The following DCHS2 variants were observed in gnomAD, a reference collection of about 807,000 sequenced individuals.
DCHS2 encodes protocadherin-23.
Under a neutral mutation model 182.4 loss-of-function variants are expected in DCHS2, and 142 were observed. The ratio of observed to expected loss-of-function variants is 0.78; its 90% CI spans 0.68 to 0.89. The LOEUF (loss-of-function observed/expected upper bound fraction) is 0.89, where lower values mean the gene tolerates loss of function less well. DCHS2 is among the 40% of genes least tolerant of loss of function. The pLI is 0.00. For synonymous variants in DCHS2, 1,740 were observed against 1,663.3 expected (o/e 1.05, Z -1.12); for missense variants, 4,319 against 4,198.6 (o/e 1.03, Z -0.79).
intron 1 of DCHS2, among the ~76,000 whole-genome samples, chr4:154,464,260 GA>G (rs1735145649): frequency 1.3e-5 from 2 of 152,130 alleles, no homozygotes; most frequent in Non-Finnish European, 2.9e-5. Flanking sequence ...GTATTTGCAG[GA>G]AAAAAACTTT....
chr4:154,396,754 A>G (rs901845363), intron 1 of DCHS2, among the ~76,000 whole-genome samples: 1 of 152,136 alleles, frequency 6.6e-6, no homozygotes, highest in African/African-American at 2.4e-5. Context: ...CTACTTCAGT[A>G]TAACAAAATG....
At chr4:154,472,911 T>C (rs1369142075) in intron 1 of DCHS2, among the ~76,000 whole-genome samples, 1 of 152,116 alleles carries the variant, frequency 6.6e-6, no homozygotes, top group Non-Finnish European at 1.5e-5. Context: ...TGAAAATCAT[T>C]CAACAGAAAT....
intron 1 of DCHS2, among the ~76,000 whole-genome samples, chr4:154,459,161 T>C (rs1019878068): frequency 6.6e-6 from 1 of 152,148 alleles, no homozygotes; most frequent in African/African-American, 2.4e-5. Context: ...GCAGCTCCCA[T>C]AGAACATTTC....
At chr4:154,483,727 C>A (rs1736008746) in intron 1 of DCHS2, among the ~76,000 whole-genome samples, 3 of 152,150 alleles carry the variant, frequency 2.0e-5, no homozygotes, top group Non-Finnish European at 2.9e-5. Flanking sequence ...AGATGCCAAC[C>A]ATCTCTCTGG....
At chr4:154,244,695 G>A (rs1258825769) in intron 16 of DCHS2, among the ~76,000 whole-genome samples, 1 of 151,994 alleles carries the variant, frequency 6.6e-6, no homozygotes, top group Non-Finnish European at 1.5e-5. Context: ...AATCATCAGG[G>A]CTTATCTACT....
chr4:154,461,498 C>T (rs187281484), intron 1 of DCHS2, among the ~76,000 whole-genome samples: 6 of 151,980 alleles, frequency 3.9e-5, no homozygotes, highest in Admixed American at 3.9e-4. Context: ...TTTTTCTATC[C>T]TGCTAAGTCT....
At chr4:154,250,077 T>C (rs1202188023) in intron 16 of DCHS2, among the ~76,000 whole-genome samples, 1 of 152,190 alleles carries the variant, frequency 6.6e-6, no homozygotes, top group Non-Finnish European at 1.5e-5. Flanking sequence ...ATGCAAATAC[T>C]ATGCCATTTT....
At chr4:154,306,838 A>G (rs1183428956) in intron 10 of DCHS2, among the ~76,000 whole-genome samples, 1 of 152,146 alleles carries the variant, frequency 6.6e-6, no homozygotes, top group Non-Finnish European at 1.5e-5. Flanking sequence ...AATGTCTTCA[A>G]TTGTTTACAC....
chr4:154,430,195 TGAGTCTAAAA>T (rs1421322793), intron 1 of DCHS2, among the ~76,000 whole-genome samples: 4 of 152,212 alleles, frequency 2.6e-5, no homozygotes, highest in African/African-American at 7.2e-5. Flanking sequence ...GACACAAATG[TGAGTCTAAAA>T]CCTGTTGTCA....
Position 154,233,085 on chromosome 4 carries a change from A to G in DCHS2, c.*1451T>C, listed in dbSNP as rs1299466694. 6.6e-6 allele frequency: 1 copy of G among 152,218 alleles called. No homozygotes were observed. The highest frequency in any genetic ancestry group is 1.9e-4 in the East Asian group (1 of 5,192). 9.4% of individuals were successfully genotyped at this position (152,218 alleles called of 1,614,324 possible). ...TGAGGCCTATGGAAGAAGAACACAA[A>G]GGAACTATATCTGTAGTAGAAGCCC... On this transcript the variant is annotated 3_prime_UTR_variant, in exon 20 of 20. Transcript: ENST00000357232.
At position 154,234,828 on chromosome 4, in the gene DCHS2, AC is replaced by A. The variant is rs567631621; in HGVS notation, c.9823del (p.Val3275PhefsTer6). The stretch of plus-strand genomic sequence containing the variant: ...TGCTGTTATCAAAGGGGGTGGAAAA[AC>A]AAAAGATTTCTTCTCTTTTGGAATG... ...PGIPKEKKSF[V>X]FPPPLITAVA... On this transcript the variant is annotated frameshift_variant, in exon 20 of 20. Transcript: ENST00000357232. LOFTEE classifies it low-confidence loss of function (END_TRUNC). 492 of 1,614,016 alleles carry A rather than the reference AC, an allele frequency of 3.0e-4. 6 individuals are homozygous for A. The South Asian group carries it at 5.2e-3, about 17-fold the overall frequency.
chr4:154,340,496 T>A (rs909129224), intron 3 of DCHS2, among the ~76,000 whole-genome samples: 2 of 152,198 alleles, frequency 1.3e-5, no homozygotes, highest in Non-Finnish European at 2.9e-5. Flanking sequence ...GGTGTCTAAT[T>A]ATAGCCCCTC....
chr4:154,462,380 A>T (rs1329928630), intron 1 of DCHS2, among the ~76,000 whole-genome samples: 1 of 152,212 alleles, frequency 6.6e-6, no homozygotes, highest in African/African-American at 2.4e-5. Context: ...GTTTTACAAC[A>T]TACGAAAGCT....
intron 1 of DCHS2, among the ~76,000 whole-genome samples, chr4:154,416,899 A>G (rs1386379792): frequency 6.6e-6 from 1 of 152,014 alleles, no homozygotes; most frequent in Non-Finnish European, 1.5e-5. Flanking sequence ...AGATGTTTTT[A>G]CACTCCGAGG....
At chr4:154,420,550 A>G (rs570665009) in intron 1 of DCHS2, among the ~76,000 whole-genome samples, 1 of 152,286 alleles carries the variant, frequency 6.6e-6, no homozygotes, top group East Asian at 1.9e-4. Context: ...CCCAGAGTCT[A>G]AAGACTGGAA....
intron 3 of DCHS2, chr4:154,343,343 T>A: frequency 1.1e-6 from 1 of 880,812 alleles, no homozygotes; most frequent in South Asian, 4.5e-5. Flanking sequence ...AGAGTCAGCC[T>A]GCCCTTTTAA....
At chr4:154,394,454 A>G (rs181946463) in intron 1 of DCHS2, among the ~76,000 whole-genome samples, 1 of 152,158 alleles carries the variant, frequency 6.6e-6, no homozygotes, top group Non-Finnish European at 1.5e-5. Flanking sequence ...TAGAAACCGA[A>G]TAACTCATCT....
intron 3 of DCHS2, among the ~76,000 whole-genome samples, chr4:154,353,616 A>G (rs1044695999): frequency 6.6e-6 from 1 of 152,122 alleles, no homozygotes; most frequent in African/African-American, 2.4e-5. Context: ...TCCTTTGGTT[A>G]TATTACAGTT....
intron 1 of DCHS2, among the ~76,000 whole-genome samples, chr4:154,450,662 A>G (rs1384615113): frequency 1.3e-5 from 2 of 151,986 alleles, no homozygotes; most frequent in Non-Finnish European, 1.5e-5. Context: ...GTGAAACCCC[A>G]TCTCTACTAA....
Sources: allele counts gnomAD v4.1 joint callset (sites outside exome capture counted in the v4.1 genomes callset), GRCh38; gene constraint gnomAD v4.1.1; transcripts MANE v1.5; gene names NCBI Gene and HGNC (gene_info 2026-07-23, HGNC 2026-07-21).